LDB2: variants seen among roughly 807,000 people sequenced by gnomAD.
LDB2 encodes LIM domain-binding protein 2.
A neutral mutation model predicts 44.3 loss-of-function variants in LDB2; 12 were observed. The observed-to-expected ratio is 0.27, with a 90% CI of 0.17 to 0.44. The LOEUF is 0.44. Among genes scored for constraint, LDB2 ranks in the 20% least tolerant of loss-of-function variants. The pLI is 1.00. For missense variants in LDB2, 344 were observed against 473.5 expected, an observed-to-expected ratio of 0.73 and a Z score of 2.54; for synonymous variants, 164 against 174.8, an observed-to-expected ratio of 0.94 and a Z score of 0.49.
chr4:16,590,176 T>G (rs766833580), intron 3 of LDB2, among the ~76,000 whole-genome samples: 178 of 152,286 alleles, frequency 1.2e-3, no homozygotes, highest in Non-Finnish European at 2.4e-3. Context: ...CCATCTCGGC[T>G]TTGAGATCCT....
At chr4:16,556,696 C>A (rs990995439) in intron 5 of LDB2, among the ~76,000 whole-genome samples, 7 of 152,100 alleles carry the variant, frequency 4.6e-5, no homozygotes, top group African/African-American at 1.2e-4. Context: ...GAACCTATGC[C>A]GTTAAAAGTT....
chr4:16,824,808 G>A (rs544801322), intron 1 of LDB2, among the ~76,000 whole-genome samples: 41 of 152,340 alleles, frequency 2.7e-4, no homozygotes, highest in African/African-American at 9.9e-4. Context: ...TCAACACATG[G>A]TTATTGAGTG....
chr4:16,728,525 T>G (rs963319203), intron 2 of LDB2, among the ~76,000 whole-genome samples: 1 of 152,202 alleles, frequency 6.6e-6, no homozygotes. Flanking sequence ...AAAAGGATTA[T>G]TTTTTGCTTA....
intron 5 of LDB2, among the ~76,000 whole-genome samples, chr4:16,542,579 A>G (rs1049235232): frequency 1.3e-5 from 2 of 152,186 alleles, no homozygotes; most frequent in African/African-American, 4.8e-5. Context: ...TGAGCCTTAT[A>G]ATCGATTCAA....
chr4:16,785,093 T>C (rs1220799133), intron 1 of LDB2, among the ~76,000 whole-genome samples: 1 of 152,050 alleles, frequency 6.6e-6, no homozygotes, highest in Non-Finnish European at 1.5e-5. Context: ...GGTATGTGTG[T>C]ATGTACGTAT....
intron 2 of LDB2, among the ~76,000 whole-genome samples, chr4:16,701,275 C>T (rs73799224): frequency 1.3e-3 from 191 of 152,286 alleles, no homozygotes; most frequent in African/African-American, 4.4e-3. Context: ...CTTGAGTAGA[C>T]AATCATGTTC....
At chr4:16,790,178 G>A (rs1775401546) in intron 1 of LDB2, among the ~76,000 whole-genome samples, 1 of 152,192 alleles carries the variant, frequency 6.6e-6, no homozygotes, top group African/African-American at 2.4e-5. Context: ...TTTCCTGACA[G>A]CATTTACTAG....
intron 5 of LDB2, among the ~76,000 whole-genome samples, chr4:16,542,536 A>C (rs906028653): frequency 1.3e-5 from 2 of 152,126 alleles, no homozygotes; most frequent in African/African-American, 2.4e-5. Flanking sequence ...AGCAGAGAGA[A>C]CTAAGGGAAG....
At chr4:16,600,174 C>T (rs886720877) in intron 2 of LDB2, among the ~76,000 whole-genome samples, 5 of 152,184 alleles carry the variant, frequency 3.3e-5, no homozygotes, top group African/African-American at 7.2e-5. Context: ...GGTCACCTAA[C>T]TCGACAGCCA....
chr4:16,840,042 T>A (rs1277046344), intron 1 of LDB2, among the ~76,000 whole-genome samples: 1 of 152,232 alleles, frequency 6.6e-6, no homozygotes, highest in Non-Finnish European at 1.5e-5. Context: ...AAATACATAC[T>A]ATGTCTATAG....
intron 1 of LDB2, among the ~76,000 whole-genome samples, chr4:16,764,361 G>A (rs1413816999): frequency 6.6e-6 from 1 of 152,096 alleles, no homozygotes; most frequent in Admixed American, 6.6e-5. Flanking sequence ...TTTTGTAGAA[G>A]TAATGTGGAT....
intron 2 of LDB2, among the ~76,000 whole-genome samples, chr4:16,616,376 A>G (rs1281391766): frequency 6.6e-6 from 1 of 152,130 alleles, no homozygotes; most frequent in Non-Finnish European, 1.5e-5. Context: ...TGTTCAATAC[A>G]TAGGGAATAA....
At chr4:16,616,256 T>A (rs945525297) in intron 2 of LDB2, among the ~76,000 whole-genome samples, 2 of 152,202 alleles carry the variant, frequency 1.3e-5, no homozygotes, top group Admixed American at 1.3e-4. Flanking sequence ...AATTTTGCAC[T>A]GGCACATATC....
intron 1 of LDB2, among the ~76,000 whole-genome samples, chr4:16,789,166 A>G (rs767738756): frequency 6.6e-6 from 1 of 152,150 alleles, no homozygotes; most frequent in Non-Finnish European, 1.5e-5. Context: ...TGGAAGGATG[A>G]TGCATATGGC....
At chr4:16,717,396 C>T (rs1387287275) in intron 2 of LDB2, among the ~76,000 whole-genome samples, 5 of 151,984 alleles carry the variant, frequency 3.3e-5, no homozygotes, top group African/African-American at 1.2e-4. Flanking sequence ...CTGCCTCCAA[C>T]CCCAATCATA....
chr4:16,561,527 C>T (rs1742265820), intron 5 of LDB2, among the ~76,000 whole-genome samples: 1 of 152,156 alleles, frequency 6.6e-6, no homozygotes. Context: ...TGAAGGACCT[C>T]TTCAAGGAGA....
chr4:16,743,354 T>C (rs1763729999), intron 2 of LDB2, among the ~76,000 whole-genome samples: 2 of 152,068 alleles, frequency 1.3e-5, no homozygotes, highest in African/African-American at 4.8e-5. Context: ...CATGCCCTGG[T>C]GGTAGAAAGA....
intron 1 of LDB2, among the ~76,000 whole-genome samples, chr4:16,821,444 C>T (rs1438833285): frequency 6.7e-6 from 1 of 148,262 alleles, no homozygotes; most frequent in Non-Finnish European, 1.5e-5. Context: ...AGTGCAGTGG[C>T]GCCATCTCGG....
At chr4:16,791,981 G>A (rs1382361946) in intron 1 of LDB2, among the ~76,000 whole-genome samples, 11 of 152,152 alleles carry the variant, frequency 7.2e-5, no homozygotes, top group Admixed American at 7.2e-4. Flanking sequence ...TCCCCTTAAT[G>A]TTTTTAGTGA....
Sources: gnomAD v4.1 joint callset for allele counts (sites outside exome capture counted in the v4.1 genomes callset) on GRCh38, gnomAD v4.1.1 for gene constraint, MANE v1.5 for transcripts, NCBI Gene and HGNC (gene_info 2026-07-23, HGNC 2026-07-21) for gene names.